DOCK8: variants seen among roughly 807,000 people sequenced by gnomAD.
DOCK8 encodes the protein dedicator of cytokinesis 8.
Under a neutral mutation model 245.6 loss-of-function variants are expected in DOCK8, and 141 were observed. The ratio of observed to expected loss-of-function variants is 0.57; its 90% confidence interval spans 0.50 to 0.66. The LOEUF is 0.66. DOCK8 is among the 30% of genes least tolerant of loss of function. The probability of loss-of-function intolerance (pLI) is 0.00; values close to 1 mark genes in which losing one functional copy is unlikely to be tolerated. For synonymous variants in DOCK8, 1,168 were observed against 970.2 expected (o/e 1.20, Z -3.79); for missense variants, 2,965 against 2,603.4 (o/e 1.14, Z -3.02).
At position 360,589 on chromosome 9, in the gene DOCK8, A is replaced by G. The variant is rs115057616; in HGVS notation, c.1680-7429A>G. On this transcript the variant is annotated intron_variant, in intron 14 of 47. Transcript: ENST00000432829. ...CCATTGGCTAACTGAAAAATTTTGCATTTGGTAAGCATTTAATTAAAAATT... is the reference window on the plus strand; with the variant it reads ...CCATTGGCTAACTGAAAAATTTTGCGTTTGGTAAGCATTTAATTAAAAATT... Among the ~76,000 whole-genome samples, 912 of 152,328 alleles carry G rather than the reference A, an allele frequency of 6.0e-3. 6 individuals carry two copies. Among genetic ancestry groups the G allele is most frequent in the African/African-American group, 0.021 (872 of 41,582 alleles).
intron 27 of DOCK8, among the ~76,000 whole-genome samples, chr9:405,797 T>A (rs1214896091): frequency 6.6e-6 from 1 of 152,256 alleles, no homozygotes; most frequent in Non-Finnish European, 1.5e-5. Context: ...TAGCCATATA[T>A]GCCATATGGC....
chr9:229,731 G>A (rs1381916420), intron 1 of DOCK8, among the ~76,000 whole-genome samples: 3 of 151,974 alleles, frequency 2.0e-5, no homozygotes, highest in Non-Finnish European at 4.4e-5. Context: ...GAGACAGAGA[G>A]ACTAACATAT....
chr9:442,391 G>T (rs750782126), intron 42 of DOCK8, among the ~76,000 whole-genome samples: 33 of 152,282 alleles, frequency 2.2e-4, no homozygotes, highest in Non-Finnish European at 4.4e-4. Context: ...TTAGCATCTT[G>T]ACTTTGAAGT....
At chr9:271,766 AAGTGCAAAAGTGCCC>A (rs1213946759) in intron 2 of DOCK8, 37 bp downstream of exon 2, 3 of 1,416,148 alleles carry the variant, frequency 2.1e-6, no homozygotes, top group Non-Finnish European at 2.9e-6. Context: ...GCGATTGGTC[AAGTGCAAAAGTGCCC>A]AGGGTATGTG....
chr9:303,971 T>C (rs1425901155), intron 4 of DOCK8, among the ~76,000 whole-genome samples: 4 of 152,228 alleles, frequency 2.6e-5, no homozygotes, highest in African/African-American at 9.6e-5. Context: ...ATGTTTTACC[T>C]TTCTTATGAT....
chr9:390,673 G>A (rs2054152168), intron 24 of DOCK8, 107 bp downstream of exon 24: 3 of 1,046,834 alleles, frequency 2.9e-6, no homozygotes, highest in South Asian at 1.3e-5. Context: ...AAAACCTGGG[G>A]TGGTTTCTTG....
At chr9:344,806 C>G (rs545724008) in intron 14 of DOCK8, among the ~76,000 whole-genome samples, 5 of 152,252 alleles carry the variant, frequency 3.3e-5, no homozygotes, top group Admixed American at 2.0e-4. Flanking sequence ...CTAGCGCTTT[C>G]GGAGGCCAAG....
chr9:312,261 A>G (rs1417519421), intron 6 of DOCK8, 95 bp downstream of exon 6: 46 of 1,411,688 alleles, frequency 3.3e-5, no homozygotes, highest in Non-Finnish European at 4.2e-5. Context: ...ATAGCAGCCC[A>G]TGGTGTCAGG....
intron 22 of DOCK8, among the ~76,000 whole-genome samples, chr9:385,372 A>G (rs1456535715): frequency 1.3e-5 from 2 of 152,234 alleles, no homozygotes; most frequent in Non-Finnish European, 2.9e-5. Flanking sequence ...AATGAAAGTC[A>G]TATAAGAAAT....
chr9:398,673 A>C (rs12346176), intron 25 of DOCK8, among the ~76,000 whole-genome samples: 1 of 151,950 alleles, frequency 6.6e-6, no homozygotes, highest in East Asian at 1.9e-4. Flanking sequence ...TGCCTAATTG[A>C]GGAATAAATT....
chr9:426,842 A>G, intron 33 of DOCK8, 43 bp from the exon 34 acceptor site: 3 of 1,538,164 alleles, frequency 2.0e-6, no homozygotes. Context: ...GAACCTGGCC[A>G]GGTTTGACAT....
At chr9:216,258 C>T (rs566540567) in intron 1 of DOCK8, among the ~76,000 whole-genome samples, 13 of 152,100 alleles carry the variant, frequency 8.5e-5, no homozygotes, top group African/African-American at 3.1e-4. Flanking sequence ...GGCTGGGTGC[C>T]ATGGCTCACA....
intron 1 of DOCK8, among the ~76,000 whole-genome samples, chr9:250,114 C>G (rs1012825846): frequency 1.3e-5 from 2 of 152,118 alleles, no homozygotes; most frequent in African/African-American, 4.8e-5. Flanking sequence ...TTTAAGTTGT[C>G]ATTATGTCCT....
chr9:408,181 C>A (rs1444433793), intron 28 of DOCK8, among the ~76,000 whole-genome samples: 1 of 152,184 alleles, frequency 6.6e-6, no homozygotes, highest in Non-Finnish European at 1.5e-5. Context: ...TTCTCAAGTT[C>A]TCTCAAAGTG....
At chr9:400,063 TTCACCATCACCATCA>T (rs2054723896) in intron 26 of DOCK8, among the ~76,000 whole-genome samples, 1 of 49,424 alleles carries the variant, frequency 2.0e-5, no homozygotes, top group African/African-American at 1.8e-4. Flanking sequence ...CACCACCTCC[TTCACCATCACCATCA>T]CCACCACCTC....
At chr9:318,608 G>C (rs1265765735) in intron 7 of DOCK8, among the ~76,000 whole-genome samples, 2 of 152,178 alleles carry the variant, frequency 1.3e-5, no homozygotes, top group African/African-American at 4.8e-5. Flanking sequence ...TCTACCAGAG[G>C]GTCTTCAGGG....
chr9:386,239 T>C, intron 22 of DOCK8, 92 bp from the exon 23 acceptor site: 3 of 1,085,626 alleles, frequency 2.8e-6, no homozygotes, highest in Non-Finnish European at 4.2e-6. Flanking sequence ...AAAATATGTA[T>C]AAAAAAATGA....
intron 14 of DOCK8, among the ~76,000 whole-genome samples, chr9:351,199 G>C (rs966559119): frequency 1.3e-5 from 2 of 152,204 alleles, no homozygotes; most frequent in African/African-American, 4.8e-5. Context: ...TAAACTCTAA[G>C]TAGGTAACTG....
At chr9:379,658 C>G (rs2053659575) in intron 20 of DOCK8, 113 bp from the exon 21 acceptor site, 2 of 1,166,984 alleles carry the variant, frequency 1.7e-6, no homozygotes, top group Non-Finnish European at 2.5e-6. Context: ...CTTCCCAGGC[C>G]TAGTTAAATT....
Sources: allele counts gnomAD v4.1 joint callset (sites outside exome capture counted in the v4.1 genomes callset), GRCh38; gene constraint gnomAD v4.1.1; transcripts MANE v1.5; gene names NCBI Gene and HGNC (gene_info 2026-07-23, HGNC 2026-07-21).